HECW1: variants seen among roughly 807,000 people sequenced by gnomAD.
HECW1 encodes HECT, C2 and WW domain containing E3 ubiquitin protein ligase 1.
Under a neutral mutation model 182.3 loss-of-function variants are expected in HECW1, and 61 were observed. The ratio of observed to expected loss-of-function variants is 0.33; its 90% CI spans 0.27 to 0.41. The LOEUF (loss-of-function observed/expected upper bound fraction) is 0.41. Among genes scored for constraint, HECW1 ranks in the 10% least tolerant of loss-of-function variants. HECW1 has a pLI of 1.00. For synonymous variants in HECW1, 859 were observed against 832.6 expected, an observed-to-expected ratio of 1.03 and a Z score of -0.55; for missense variants, 1,739 against 2,108.9, an observed-to-expected ratio of 0.82 and a Z score of 3.44.
In HECW1 at chr7:43,360,866, A is replaced by AT; in HGVS notation, c.461-14dup. 7.5e-6 allele frequency: 12 copies of AT among 1,597,186 alleles called. No individual in the cohort carries two copies. The highest frequency in any genetic ancestry group is 1.0e-5 in the Non-Finnish European group (12 of 1,164,770). The stretch of plus-strand genomic sequence containing the variant: ...GGGTTACACCCTACTTCTCAGTCTC[A>AT]TTTTTTGTTTGTCTTTCAGCTGAAA... On this transcript the variant is annotated intron_variant, in intron 5 of 29. Coordinates refer to ENST00000395891, the MANE Select transcript of HECW1 (RefSeq NM_015052.5).
intron 2 of HECW1, among the ~76,000 whole-genome samples, chr7:43,141,725 C>T (rs1291912228): frequency 2.0e-5 from 3 of 152,036 alleles, no homozygotes; most frequent in East Asian, 1.9e-4. Flanking sequence ...CTTGAACTCC[C>T]GACGTCAGGT....
chr7:43,536,619 G>A (rs911066501), intron 24 of HECW1, among the ~76,000 whole-genome samples: 2 of 152,218 alleles, frequency 1.3e-5, no homozygotes, highest in Admixed American at 1.3e-4. Flanking sequence ...CAGATTCTGA[G>A]CAGGGACCTG....
chr7:43,507,021 G>A, intron 21 of HECW1, 116 bp from the exon 22 acceptor site: 9 of 1,284,538 alleles, frequency 7.0e-6, no homozygotes, highest in South Asian at 3.1e-5. Flanking sequence ...GGTAAGCCGA[G>A]AGCACACCAC....
At chr7:43,443,644 G>GT (rs1156879004) in intron 10 of HECW1, among the ~76,000 whole-genome samples, 10 of 151,978 alleles carry the variant, frequency 6.6e-5, no homozygotes, top group Admixed American at 2.6e-4. Context: ...TGAAGACCTT[G>GT]TTTTTTTTAA....
At chr7:43,180,991 A>T (rs552352621) in intron 2 of HECW1, among the ~76,000 whole-genome samples, 73 of 151,944 alleles carry the variant, frequency 4.8e-4, no homozygotes, top group Admixed American at 1.2e-3. Flanking sequence ...ACCTCTCCTC[A>T]TTCCTCTCTC....
chr7:43,219,349 C>T (rs1796746169), intron 2 of HECW1, among the ~76,000 whole-genome samples: 1 of 152,112 alleles, frequency 6.6e-6, no homozygotes, highest in Admixed American at 6.5e-5. Flanking sequence ...CGAAAACTTT[C>T]CAAGGACCCC....
intron 29 of HECW1, among the ~76,000 whole-genome samples, chr7:43,559,389 G>A (rs905513921): frequency 1.3e-5 from 2 of 152,110 alleles, no homozygotes; most frequent in African/African-American, 4.8e-5. Flanking sequence ...AACTCCAGAG[G>A]CTTCAGTTGC....
chr7:43,346,661 T>C (rs1813718968), intron 5 of HECW1, among the ~76,000 whole-genome samples: 1 of 152,202 alleles, frequency 6.6e-6, no homozygotes. Flanking sequence ...CTTGAGTTGA[T>C]TTTTGTATAA....
At chr7:43,225,479 A>T (rs1797342363) in intron 2 of HECW1, among the ~76,000 whole-genome samples, 1 of 152,218 alleles carries the variant, frequency 6.6e-6, no homozygotes, top group South Asian at 2.1e-4. Context: ...AAATAGCAAA[A>T]TAAAAAAACT....
intron 6 of HECW1, among the ~76,000 whole-genome samples, chr7:43,375,770 G>A (rs909798348): frequency 6.6e-6 from 1 of 151,328 alleles, no homozygotes; most frequent in African/African-American, 2.4e-5. Context: ...GCATGTGCCT[G>A]TAATCCCAGC....
chr7:43,534,278 T>G (rs966080085), intron 24 of HECW1, among the ~76,000 whole-genome samples: 21 of 152,204 alleles, frequency 1.4e-4, no homozygotes, highest in African/African-American at 5.1e-4. Flanking sequence ...AAATAAGAGA[T>G]TCCTCTTGCA....
At chr7:43,182,739 AGATCACTTTTGGTAGTAT>A (rs140760780) in intron 2 of HECW1, among the ~76,000 whole-genome samples, 36,513 of 151,854 alleles carry the variant, frequency 0.24, 4,596 homozygotes, top group Middle Eastern at 0.26. Context: ...TTCAATCTGT[AGATCACTTTTGGTAGTAT>A]GATCACTTTT....
intron 4 of HECW1, among the ~76,000 whole-genome samples, chr7:43,317,693 G>A (rs1431693704): frequency 6.6e-6 from 1 of 152,162 alleles, no homozygotes; most frequent in East Asian, 1.9e-4. Context: ...TGTGATACTT[G>A]TGATTAAGTG....
intron 8 of HECW1, among the ~76,000 whole-genome samples, chr7:43,429,525 G>A (rs2076477528): frequency 6.6e-6 from 1 of 151,808 alleles, no homozygotes; most frequent in Non-Finnish European, 1.5e-5. Context: ...GGGGAAGAAT[G>A]CTCCTGATTC....
chr7:43,419,575 A>G (rs992836921), intron 8 of HECW1, among the ~76,000 whole-genome samples: 2 of 152,214 alleles, frequency 1.3e-5, no homozygotes, highest in African/African-American at 4.8e-5. Flanking sequence ...AAATTAATGT[A>G]AGCCACCACA....
intron 8 of HECW1, among the ~76,000 whole-genome samples, chr7:43,414,455 C>T (rs2075917400): frequency 6.8e-6 from 1 of 147,394 alleles, no homozygotes; most frequent in African/African-American, 2.5e-5. Context: ...ATTTCCTTCT[C>T]CTGCCTAATT....
intron 12 of HECW1, among the ~76,000 whole-genome samples, chr7:43,454,204 T>C (rs894232872): frequency 4.6e-5 from 7 of 152,254 alleles, no homozygotes; most frequent in African/African-American, 1.7e-4. Flanking sequence ...GGCAGGGTCA[T>C]GTGTCACTCA....
At position 43,388,297 on chromosome 7, in the gene HECW1, A is replaced by G. The variant is rs138702460; in HGVS notation, c.556-8517A>G. ...AAACATGACTTGGTTATTATGCAATACAATAATGGCCAACATCACATTTGT... is the reference window on the plus strand; with the variant it reads ...AAACATGACTTGGTTATTATGCAATGCAATAATGGCCAACATCACATTTGT... On this transcript the variant is annotated intron_variant, in intron 6 of 29. Coordinates refer to ENST00000395891, the MANE Select transcript of HECW1 (RefSeq NM_015052.5). 1.6e-4 allele frequency among the ~76,000 whole-genome samples: 25 copies of G among 152,388 alleles called. No individual in the cohort carries two copies. In the East Asian group the frequency reaches 4.8e-3, roughly 29 times the overall value.
intron 26 of HECW1, among the ~76,000 whole-genome samples, chr7:43,545,668 G>T (rs964047226): frequency 6.6e-6 from 1 of 152,166 alleles, no homozygotes; most frequent in African/African-American, 2.4e-5. Context: ...AATAAGGAAA[G>T]CTAGAGTAAA....
Sources: allele counts gnomAD v4.1 joint callset (sites outside exome capture counted in the v4.1 genomes callset), GRCh38; gene constraint gnomAD v4.1.1; transcripts MANE v1.5; gene names NCBI Gene and HGNC (gene_info 2026-07-23, HGNC 2026-07-21).